NUP93: variants seen among roughly 807,000 people sequenced by gnomAD.
The protein encoded by NUP93 is nuclear pore complex protein Nup93.
A neutral mutation model predicts 107.8 loss-of-function variants in NUP93; 55 were observed. The ratio of observed to expected loss-of-function variants is 0.51; its 90% CI spans 0.41 to 0.64. NUP93 has a LOEUF of 0.64. Among genes scored for constraint, NUP93 ranks in the 30% least tolerant of loss-of-function variants. The probability of loss-of-function intolerance (pLI) is 0.00; values close to 1 mark genes in which losing one functional copy is unlikely to be tolerated. For synonymous variants in NUP93, 390 were observed against 397.5 expected (o/e 0.98, Z 0.22); for missense variants, 937 against 1,044.7 (o/e 0.90, Z 1.42).
intron 3 of NUP93, among the ~76,000 whole-genome samples, chr16:56,783,083 A>G (rs894795910): frequency 3.9e-5 from 6 of 152,152 alleles, no homozygotes; most frequent in African/African-American, 1.4e-4. Flanking sequence ...TCAAAGATAC[A>G]ATACATTTAA....
intron 1 of NUP93, among the ~76,000 whole-genome samples, chr16:56,740,152 G>A (rs1406485292): frequency 6.1e-5 from 9 of 147,810 alleles, no homozygotes; most frequent in African/African-American, 2.0e-4. Context: ...TCCCGGACGG[G>A]GTGGCTGCCG....
chr16:56,743,682 C>G (rs1961774161), intron 1 of NUP93, among the ~76,000 whole-genome samples: 1 of 152,176 alleles, frequency 6.6e-6, no homozygotes. Context: ...AGCATACTAT[C>G]AACCAACGGT....
intron 3 of NUP93, among the ~76,000 whole-genome samples, chr16:56,791,942 C>A (rs908131180): frequency 6.6e-6 from 1 of 152,204 alleles, no homozygotes; most frequent in Non-Finnish European, 1.5e-5. Flanking sequence ...TACACACATA[C>A]AATTACATAT....
At chr16:56,809,386 C>A (rs1307018216) in intron 5 of NUP93, among the ~76,000 whole-genome samples, 1 of 137,846 alleles carries the variant, frequency 7.3e-6, no homozygotes, top group East Asian at 2.2e-4. Flanking sequence ...AAGCACCTGA[C>A]CCATAATAGC....
At chr16:56,769,393 A>G (rs762008028) in intron 3 of NUP93, among the ~76,000 whole-genome samples, 2 of 152,158 alleles carry the variant, frequency 1.3e-5, no homozygotes, top group Non-Finnish European at 2.9e-5. Context: ...GTACTTTCTC[A>G]ACCCTGATGT....
intron 3 of NUP93, among the ~76,000 whole-genome samples, chr16:56,796,437 C>A (rs74246264): frequency 0.034 from 5,249 of 152,240 alleles, 124 homozygotes; most frequent in East Asian, 0.075. Flanking sequence ...TAAGTATATT[C>A]TGTGGTGTTC....
Position 56,849,646 on chromosome 16 carries a change from T to G in NUP93, c.*5037T>G, listed in dbSNP as rs915729046. On this transcript the variant is annotated 3_prime_UTR_variant, in exon 22 of 22. Coordinates refer to ENST00000308159, the MANE Select transcript of NUP93 (RefSeq NM_014669.5). ...GGGTCAGACTTAGCAAATAAAAATA[T>G]AGGACACTCAATTAAGTTTGCATTT... 1.3e-5 allele frequency: 2 copies of G among 151,934 alleles called. No individual in the cohort carries two copies. Among genetic ancestry groups the G allele is most frequent in the African/African-American group, 4.8e-5 (2 of 41,420 alleles). The allele number at this position is 151,934 out of a possible 1,614,324, so 9.4% of individuals were successfully genotyped here.
At chr16:56,790,226 C>T (rs1273648178) in intron 3 of NUP93, among the ~76,000 whole-genome samples, 1 of 152,188 alleles carries the variant, frequency 6.6e-6, no homozygotes, top group East Asian at 1.9e-4. Flanking sequence ...AATTCAGTGT[C>T]TCATGGGCCT....
rs143423761 is a variant in NUP93 at position 56,825,322 on chromosome 16, C to G, written c.794+1476C>G. On this transcript the variant is annotated intron_variant, in intron 8 of 21. Coordinates refer to ENST00000308159, the MANE Select transcript of NUP93 (RefSeq NM_014669.5). ...TGCCTCCCGGGTTCAGGCGATTCTC[C>G]TGCCTCAGCCTCCTGAATAGCATGG... Among the ~76,000 whole-genome samples, 949 of 149,674 alleles carry G rather than the reference C, an allele frequency of 6.3e-3. 18 individuals carry two copies. The highest frequency in any genetic ancestry group is 0.023 in the African/African-American group (922 of 40,550).
intron 3 of NUP93, among the ~76,000 whole-genome samples, chr16:56,765,442 T>C (rs1042968967): frequency 6.6e-6 from 1 of 152,214 alleles, no homozygotes; most frequent in African/African-American, 2.4e-5. Context: ...AAACAACCTA[T>C]AGTTAATGCT....
At chr16:56,804,363 A>G (rs569903978) in intron 4 of NUP93, among the ~76,000 whole-genome samples, 2 of 152,332 alleles carry the variant, frequency 1.3e-5, no homozygotes, top group African/African-American at 4.8e-5. Flanking sequence ...ATACAGTGGA[A>G]TATTTTTCAG....
chr16:56,758,280 G>GT (rs1340555174), intron 2 of NUP93, among the ~76,000 whole-genome samples: 4 of 152,074 alleles, frequency 2.6e-5, no homozygotes, highest in Non-Finnish European at 1.5e-5. Flanking sequence ...TAGTAGTATC[G>GT]TTTTATTCTA....
At chr16:56,748,543 T>A in intron 2 of NUP93, 117 bp downstream of exon 2, 1 of 864,764 alleles carries the variant, frequency 1.2e-6, no homozygotes, top group Non-Finnish European at 1.7e-6. Context: ...AGCCAGATTC[T>A]TGGGAACTCA....
rs534731540 is a variant in NUP93 at position 56,733,304 on chromosome 16, G to T, written c.-15+3093G>T. 9.2e-5 allele frequency among the ~76,000 whole-genome samples: 14 copies of T among 152,284 alleles called. No individual in the cohort carries two copies. The South Asian group carries it at 2.9e-3, about 32-fold the overall frequency. On this transcript the variant is annotated intron_variant, in intron 1 of 21. Coordinates refer to ENST00000308159, the MANE Select transcript of NUP93 (RefSeq NM_014669.5). ...TCCCTGATGGACTTAAGGCAGGAAA[G>T]CATTTCAGAAAGACCTCCCTGACCA...
Position 56,844,530 on chromosome 16 carries a change from C to A in NUP93, c.2381C>A (p.Thr794Asn). 1.3e-6 allele frequency: 2 copies of A among 1,535,820 alleles called. No individual in the cohort carries two copies. The highest frequency in any genetic ancestry group is 8.8e-7 in the Non-Finnish European group (1 of 1,140,782). ...CGAAGTCAAGCCCGCACTCTGATTA[C>A]CTTTGCTGGAATGATACCATACCGA... ...QLRSQARTLI[T>N]FAGMIPYRTS... The change falls in exon 22 of 22, where the codon ACC becomes AAC. Residue 794 changes from threonine (T) to asparagine (N), a missense_variant. Transcript: ENST00000308159.
chr16:56,838,920 C>A (rs760919746), intron 18 of NUP93, 32 bp from the exon 19 acceptor site: 12 of 1,472,948 alleles, frequency 8.1e-6, no homozygotes, highest in Non-Finnish European at 1.1e-5. Flanking sequence ...CTGATACACT[C>A]TTACTACCCC....
intron 2 of NUP93, among the ~76,000 whole-genome samples, chr16:56,754,272 G>A (rs1961977612): frequency 6.6e-6 from 1 of 152,100 alleles, no homozygotes; most frequent in South Asian, 2.1e-4. Flanking sequence ...ATTACAGTTC[G>A]ACATGAGATT....
intron 2 of NUP93, among the ~76,000 whole-genome samples, chr16:56,756,389 C>A (rs1352041519): frequency 7.1e-6 from 1 of 141,802 alleles, no homozygotes. Context: ...TGAGAACATG[C>A]AGTGTTTGGT....
intron 1 of NUP93, among the ~76,000 whole-genome samples, chr16:56,730,592 G>C (rs999410216): frequency 6.6e-5 from 10 of 152,138 alleles, no homozygotes; most frequent in African/African-American, 2.4e-4. Flanking sequence ...TCCTGACCGT[G>C]CCCTGCCTGC....
Sources: allele counts gnomAD v4.1 joint callset (sites outside exome capture counted in the v4.1 genomes callset), GRCh38; gene constraint gnomAD v4.1.1; transcripts MANE v1.5; gene names NCBI Gene and HGNC (gene_info 2026-07-23, HGNC 2026-07-21).